The following ANO2 variants were observed in gnomAD, a reference collection of about 807,000 sequenced individuals.
The protein encoded by ANO2 is anoctamin-2.
In ANO2, 101 loss-of-function variants were observed where a neutral mutation model predicts 124.2. The observed-to-expected ratio is 0.81, with a 90% CI of 0.69 to 0.96. ANO2 has a LOEUF of 0.96. ANO2 is among the 40% of genes least tolerant of loss of function. The pLI is 0.00. For synonymous variants in ANO2, 486 were observed against 482.5 expected (o/e 1.01, Z -0.09); for missense variants, 1,293 against 1,274.5 (o/e 1.01, Z -0.22).
intron 13 of ANO2, chr12:5,733,078 T>C (rs1287346825): frequency 1.6e-6 from 1 of 638,302 alleles, no homozygotes; most frequent in Non-Finnish European, 2.8e-6. Flanking sequence ...GCCCCACAGC[T>C]GGGAGTGAGG....
At chr12:5,843,468 T>C (rs1203915036) in intron 4 of ANO2, among the ~76,000 whole-genome samples, 2 of 152,028 alleles carry the variant, frequency 1.3e-5, no homozygotes, top group Admixed American at 1.3e-4. Context: ...GAGAATTGCT[T>C]GAACCTGAGC....
chr12:5,850,872 GAC>G (rs1256055768), intron 4 of ANO2, among the ~76,000 whole-genome samples: 1 of 152,130 alleles, frequency 6.6e-6, no homozygotes, highest in African/African-American at 2.4e-5. Context: ...TCAGAAAGCA[GAC>G]ACAACAAAGT....
chr12:5,903,329 G>T (rs1940450404), intron 3 of ANO2, among the ~76,000 whole-genome samples: 1 of 152,154 alleles, frequency 6.6e-6, no homozygotes. Flanking sequence ...ATATATGCCA[G>T]GCACTGCACT....
At chr12:5,739,828 C>A (rs568245833) in intron 12 of ANO2, 126 of 455,210 alleles carry the variant, frequency 2.8e-4, no homozygotes, top group Admixed American at 2.4e-5. Context: ...TTCTTTCTTT[C>A]TGTCCCCAGC....
At chr12:5,696,817 T>G (rs1326211462) in intron 14 of ANO2, among the ~76,000 whole-genome samples, 7 of 152,212 alleles carry the variant, frequency 4.6e-5, no homozygotes, top group Non-Finnish European at 8.8e-5. Context: ...AGTTTAAGAT[T>G]TGCATTAGTG....
At chr12:5,932,756 G>C (rs1942470766) in intron 1 of ANO2, among the ~76,000 whole-genome samples, 1 of 151,280 alleles carries the variant, frequency 6.6e-6, no homozygotes, top group South Asian at 2.1e-4. Flanking sequence ...GAGGAAGGAA[G>C]ACTAACAAGG....
chr12:5,941,229 C>G (rs1448512889), intron 1 of ANO2, among the ~76,000 whole-genome samples: 3 of 152,104 alleles, frequency 2.0e-5, no homozygotes, highest in Non-Finnish European at 4.4e-5. Flanking sequence ...GAACTGGACA[C>G]CTTTAAAGGG....
At chr12:5,761,046 G>A (rs1408271293) in intron 10 of ANO2, among the ~76,000 whole-genome samples, 1 of 127,558 alleles carries the variant, frequency 7.8e-6, no homozygotes, top group Admixed American at 8.3e-5. Flanking sequence ...CCCAAATTTT[G>A]GACCCCCACA....
rs115654783 is a variant in ANO2 at position 5,893,053 on chromosome 12, T to A, written c.534+27987A>T. Among the ~76,000 whole-genome samples, 823 of 152,272 alleles carry A rather than the reference T, an allele frequency of 5.4e-3. 6 individuals are homozygous for A. Among genetic ancestry groups the A allele is most frequent in the African/African-American group, 0.019 (799 of 41,558 alleles). On this transcript the variant is annotated intron_variant, in intron 3 of 24. Transcript: ENST00000682330. ...TGCATTTGAAGTGGTAAAATATTTA[T>A]TCTAAGTAGACTGAAAGAAAACAAG...
chr12:5,578,593 C>A, intron 20 of ANO2, 75 bp from the exon 21 acceptor site: 1 of 1,456,820 alleles, frequency 6.9e-7, no homozygotes. Context: ...GCAGCTACAG[C>A]CCCTTGTCCT....
Position 5,908,513 on chromosome 12 carries a change from G to A in ANO2, c.534+12527C>T, listed in dbSNP as rs191181664. ...AAGTCCAACTGCTGGCCACAGTGGA[G>A]TGGTTTGCAGTAGCCGAGACTCCCA... On this transcript the variant is annotated intron_variant, in intron 3 of 24. Coordinates refer to ENST00000682330, the MANE Select transcript of ANO2 (RefSeq NM_001364791.2). The surrounding 1 kb of genome is among the most constrained non-coding windows in gnomAD (Gnocchi z 4.7). Among the ~76,000 whole-genome samples, 2 of 152,346 alleles carry A rather than the reference G, an allele frequency of 1.3e-5. No homozygotes were observed. The highest frequency in any genetic ancestry group is 6.5e-5 in the Admixed American group (1 of 15,308).
intron 14 of ANO2, among the ~76,000 whole-genome samples, chr12:5,706,686 C>T (rs1281539362): frequency 6.6e-6 from 1 of 152,164 alleles, no homozygotes; most frequent in Non-Finnish European, 1.5e-5. Flanking sequence ...TGTCCTCCTG[C>T]CACTGGAATA....
chr12:5,906,347 T>TA (rs751453765), intron 3 of ANO2, among the ~76,000 whole-genome samples: 24,511 of 132,626 alleles, frequency 0.18, 2,299 homozygotes, highest in Middle Eastern at 0.3. Context: ...CACACATTGT[T>TA]AAAAAAAAAA....
At chr12:5,894,519 T>C (rs12308742) in intron 3 of ANO2, among the ~76,000 whole-genome samples, 1 of 152,104 alleles carries the variant, frequency 6.6e-6, no homozygotes, top group South Asian at 2.1e-4. Flanking sequence ...CAATTCTGGC[T>C]TTTGTGGCCA....
intron 10 of ANO2, among the ~76,000 whole-genome samples, chr12:5,755,863 T>C (rs1951567085): frequency 6.6e-6 from 1 of 152,218 alleles, no homozygotes; most frequent in African/African-American, 2.4e-5. Flanking sequence ...CTTGGGTACA[T>C]TGAGACTTCA....
At chr12:5,591,220 C>G (rs190823283) in intron 20 of ANO2, among the ~76,000 whole-genome samples, 4 of 152,252 alleles carry the variant, frequency 2.6e-5, no homozygotes, top group African/African-American at 9.6e-5. Flanking sequence ...GCTATGCACA[C>G]GGGGAAAATC....
intron 1 of ANO2, among the ~76,000 whole-genome samples, chr12:5,944,346 A>G (rs1338363601): frequency 6.6e-6 from 1 of 152,204 alleles, no homozygotes; most frequent in Non-Finnish European, 1.5e-5. Context: ...TCTGTCCCAG[A>G]CGAGGTTCCA....
rs1945992353 is a variant in ANO2, at chr12:5,635,933, GA to G, written c.1621-587del. Among the ~76,000 whole-genome samples the G allele has an allele frequency of 6.6e-6, 1 of 152,168 alleles. No individual in the cohort carries two copies. ...GAAGGTACCTGAGCTGAGAAGGGAT[GA>G]GTTACAGCTTGATAAGTAGAGGCAA... On this transcript the variant is annotated intron_variant, in intron 15 of 24. Coordinates refer to ENST00000682330, the MANE Select transcript of ANO2 (RefSeq NM_001364791.2). The surrounding 1 kb of genome is among the most constrained non-coding windows in gnomAD (Gnocchi z 5.2).
intron 20 of ANO2, among the ~76,000 whole-genome samples, chr12:5,583,357 A>C (rs947116447): frequency 6.6e-6 from 1 of 152,154 alleles, no homozygotes; most frequent in Non-Finnish European, 1.5e-5. Context: ...TATAGCTTTT[A>C]AAAAAATGCT....
Sources: gnomAD v4.1 joint callset for allele counts (sites outside exome capture counted in the v4.1 genomes callset) on GRCh38, gnomAD v4.1.1 for gene constraint, Gnocchi (gnomAD v3.1) non-coding constraint, MANE v1.5 for transcripts, NCBI Gene and HGNC (gene_info 2026-07-23, HGNC 2026-07-21) for gene names.